Variants in ST18 observed in about 807,000 individuals in gnomAD.
ST18 encodes the protein ST18 C2H2C-type zinc finger transcription factor.
Under a neutral mutation model 110.0 loss-of-function variants are expected in ST18, and 50 were observed. The observed-to-expected ratio is 0.45, with a 90% CI of 0.36 to 0.58. The LOEUF is 0.58. Ranked by LOEUF, ST18 falls within the 20% of genes least tolerant of loss-of-function variation. ST18 has a pLI of 0.00. For missense variants in ST18, 1,306 were observed against 1,280.1 expected (o/e 1.02, Z -0.31); for synonymous variants, 461 against 452.4 (o/e 1.02, Z -0.24).
chr8:52,240,977 T>C (rs1166388388), intron 2 of ST18, among the ~76,000 whole-genome samples: 1 of 152,246 alleles, frequency 6.6e-6, no homozygotes, highest in Non-Finnish European at 1.5e-5. Context: ...TCATTCAATA[T>C]GTACAAGAAA....
intron 2 of ST18, among the ~76,000 whole-genome samples, chr8:52,353,820 C>A (rs76754409): frequency 2.0e-4 from 31 of 152,312 alleles, no homozygotes; most frequent in African/African-American, 7.0e-4. Context: ...CCTCTCCCTT[C>A]GCCTCTGCTG....
intron 8 of ST18, among the ~76,000 whole-genome samples, chr8:52,191,549 C>T (rs1306020585): frequency 6.6e-6 from 1 of 152,160 alleles, no homozygotes; most frequent in Non-Finnish European, 1.5e-5. Flanking sequence ...TCAACTACCA[C>T]ATGCAGGGCA....
At position 52,221,797 on chromosome 8, in the gene ST18, G is replaced by C. The variant is rs1302100336; in HGVS notation, c.-418-4C>G. The C allele has an allele frequency of 6.6e-6, 1 of 151,980 alleles. No individual in the cohort carries two copies. Among genetic ancestry groups the C allele is most frequent in the Non-Finnish European group, 1.5e-5 (1 of 67,990 alleles). The allele number at this position is 151,980 out of a possible 1,614,324, so 9.4% of individuals were successfully genotyped here. A position where few individuals can be genotyped will look rare whatever the true frequency, so the allele number is the denominator to read the frequency against. ...CTTAAGTCAGCAACTGTAGTTCCTG[G>C]GGAAAAATGGAGATAAAACTCTCAA... On this transcript the variant is annotated splice_region_variant and splice_polypyrimidine_tract_variant and intron_variant, in intron 3 of 25. Transcript: ENST00000689386.
chr8:52,161,685 T>A lies in ST18; in HGVS notation c.1401-117A>T, dbSNP rs577470513. The A allele has an allele frequency of 6.1e-5, 72 of 1,186,764 alleles. No individual in the cohort carries two copies. In the African/African-American group the frequency reaches 1.0e-3, roughly 17 times the overall value. 73.5% of individuals were successfully genotyped at this position (1,186,764 alleles called of 1,614,324 possible). A position where few individuals can be genotyped will look rare whatever the true frequency, so the allele number is the denominator to read the frequency against. ...CTCCTGAAGGTATCCACAGAGACAC[T>A]GAACAATAAGAGAGACGGGGCCATG... On this transcript the variant is annotated intron_variant, in intron 13 of 25. Coordinates refer to ENST00000689386, the MANE Select transcript of ST18 (RefSeq NM_001352837.2).
At chr8:52,166,827 G>A (rs1387665418) in intron 11 of ST18, 25 bp downstream of exon 11, 2 of 1,540,556 alleles carry the variant, frequency 1.3e-6, no homozygotes, top group Non-Finnish European at 1.8e-6. Flanking sequence ...ATAAGCAGAA[G>A]CTTTGAGGGA....
intron 2 of ST18, among the ~76,000 whole-genome samples, chr8:52,276,052 C>A (rs1396098136): frequency 2.0e-4 from 1 of 4,990 alleles, no homozygotes; most frequent in Non-Finnish European, 4.7e-4. Context: ...ACACTGCACA[C>A]CAGACATCAC....
chr8:52,315,564 C>A (rs1253575644), intron 2 of ST18, among the ~76,000 whole-genome samples: 2 of 152,172 alleles, frequency 1.3e-5, no homozygotes, highest in African/African-American at 4.8e-5. Context: ...AATTTACTTA[C>A]TATTATTGTA....
At chr8:52,141,258 A>G (rs1479300853) in intron 17 of ST18, among the ~76,000 whole-genome samples, 1 of 152,202 alleles carries the variant, frequency 6.6e-6, no homozygotes, top group Non-Finnish European at 1.5e-5. Flanking sequence ...ATTTTTACTG[A>G]ACACCTACTA....
At chr8:52,271,795 G>A (rs1201168019) in intron 2 of ST18, among the ~76,000 whole-genome samples, 1 of 152,140 alleles carries the variant, frequency 6.6e-6, no homozygotes, top group Non-Finnish European at 1.5e-5. Context: ...AAATGTTTGT[G>A]GATTACACAG....
At chr8:52,312,213 G>C (rs964503672) in intron 2 of ST18, among the ~76,000 whole-genome samples, 4 of 152,112 alleles carry the variant, frequency 2.6e-5, no homozygotes, top group African/African-American at 4.8e-5. Flanking sequence ...CGATTTACTA[G>C]GGTTCTCAAA....
At chr8:52,332,581 G>C (rs1413245157) in intron 2 of ST18, among the ~76,000 whole-genome samples, 1 of 144,534 alleles carries the variant, frequency 6.9e-6, no homozygotes, top group Non-Finnish European at 1.5e-5. Context: ...GGCCGGGCAC[G>C]GTGGCTCAAG....
chr8:52,164,611 A>T (rs545252290), intron 12 of ST18, among the ~76,000 whole-genome samples: 71 of 152,336 alleles, frequency 4.7e-4, no homozygotes, highest in African/African-American at 1.6e-3. Flanking sequence ...CAGCATTTTC[A>T]CCCCAAATAT....
At chr8:52,304,948 C>A (rs2095790569) in intron 2 of ST18, among the ~76,000 whole-genome samples, 1 of 152,144 alleles carries the variant, frequency 6.6e-6, no homozygotes, top group Non-Finnish European at 1.5e-5. Flanking sequence ...GGGAGGGACA[C>A]AAACATTCAG....
chr8:52,305,647 G>A (rs1042058177), intron 2 of ST18, among the ~76,000 whole-genome samples: 1 of 152,188 alleles, frequency 6.6e-6, no homozygotes, highest in Non-Finnish European at 1.5e-5. Flanking sequence ...TCCAGATGCT[G>A]AGTGTGACAA....
chr8:52,162,827 T>A (rs2061814196), intron 13 of ST18, among the ~76,000 whole-genome samples: 1 of 152,176 alleles, frequency 6.6e-6, no homozygotes, highest in Non-Finnish European at 1.5e-5. Flanking sequence ...TATTTTTCTC[T>A]TTTTTCCACC....
At chr8:52,328,776 TA>T (rs894790711) in intron 2 of ST18, among the ~76,000 whole-genome samples, 19 of 151,896 alleles carry the variant, frequency 1.3e-4, no homozygotes, top group African/African-American at 3.4e-4. Flanking sequence ...ATTTTTCCAA[TA>T]AAAAAAATAC....
intron 2 of ST18, among the ~76,000 whole-genome samples, chr8:52,344,009 T>C (rs1305960964): frequency 6.6e-6 from 1 of 152,184 alleles, no homozygotes; most frequent in Non-Finnish European, 1.5e-5. Context: ...GTTTAACCAA[T>C]AAAATAATTC....
At chr8:52,167,511 A>C (rs2063409740) in intron 10 of ST18, among the ~76,000 whole-genome samples, 1 of 152,250 alleles carries the variant, frequency 6.6e-6, no homozygotes, top group South Asian at 2.1e-4. Context: ...TGGCGGAGTT[A>C]GGACAGGGCA....
chr8:52,408,726 G>C (rs1845407517), intron 2 of ST18, among the ~76,000 whole-genome samples: 1 of 152,166 alleles, frequency 6.6e-6, no homozygotes, highest in Non-Finnish European at 1.5e-5. Context: ...AAATTAGCTA[G>C]AGATTTTAAA....
Sources: allele counts gnomAD v4.1 joint callset (sites outside exome capture counted in the v4.1 genomes callset), GRCh38; gene constraint gnomAD v4.1.1; transcripts MANE v1.5; gene names NCBI Gene and HGNC (gene_info 2026-07-23, HGNC 2026-07-21).